Variants in CSMD1 observed in about 807,000 individuals in gnomAD.
The protein encoded by CSMD1 is CUB and sushi domain-containing protein 1.
CSMD1 carries 213 observed loss-of-function variants against 417.5 expected under a neutral mutation model. That is an observed-to-expected ratio of 0.51 (90% CI 0.46 to 0.57). The LOEUF is 0.57. Ranked by LOEUF, CSMD1 falls within the 20% of genes least tolerant of loss-of-function variation. CSMD1 has a pLI of 0.00. For missense variants in CSMD1, 6,923 were observed against 4,529.7 expected (o/e 1.53, Z -15.17); for synonymous variants, 2,862 against 1,736.8 (o/e 1.65, Z -16.11).
intron 51 of CSMD1, among the ~76,000 whole-genome samples, chr8:3,022,955 T>C (rs898940642): frequency 2.0e-5 from 3 of 152,162 alleles, no homozygotes; most frequent in African/African-American, 7.2e-5. Context: ...AAATCAGCTG[T>C]CTCTGGGGCA....
At chr8:4,668,445 T>TATTATC (rs1554439192) in intron 1 of CSMD1, among the ~76,000 whole-genome samples, 1 of 146,304 alleles carries the variant, frequency 6.8e-6, no homozygotes, top group African/African-American at 2.5e-5. Flanking sequence ...TTATTATTAT[T>TATTATC]ATTATTATTA....
At chr8:3,503,468 T>A (rs984379536) in intron 10 of CSMD1, among the ~76,000 whole-genome samples, 1 of 152,190 alleles carries the variant, frequency 6.6e-6, no homozygotes, top group Non-Finnish European at 1.5e-5. Context: ...AACACAGCAG[T>A]CTTGGGACGG....
chr8:4,045,006 C>G (rs1263056281), intron 3 of CSMD1, among the ~76,000 whole-genome samples: 1 of 152,210 alleles, frequency 6.6e-6, no homozygotes, highest in African/African-American at 2.4e-5. Flanking sequence ...TTTATAATTA[C>G]AATGTTATGC....
At chr8:3,974,500 T>C (rs1813293533) in intron 5 of CSMD1, among the ~76,000 whole-genome samples, 5 of 152,052 alleles carry the variant, frequency 3.3e-5, no homozygotes, top group Admixed American at 3.3e-4. Flanking sequence ...AAAGTATTTA[T>C]TTTTAAAAAT....
chr8:4,563,494 C>T (rs563345677), intron 2 of CSMD1, among the ~76,000 whole-genome samples: 140 of 152,280 alleles, frequency 9.2e-4, no homozygotes, highest in African/African-American at 3.2e-3. Flanking sequence ...GTTCAGTATT[C>T]CTGTGCCGGC....
At chr8:3,435,309 G>A (rs1404170966) in intron 12 of CSMD1, among the ~76,000 whole-genome samples, 1 of 152,178 alleles carries the variant, frequency 6.6e-6, no homozygotes, top group Non-Finnish European at 1.5e-5. Context: ...TGGGAAAGAT[G>A]AAGCATGGGG....
chr8:4,321,607 C>T (rs1176435315), intron 3 of CSMD1, among the ~76,000 whole-genome samples: 1 of 152,080 alleles, frequency 6.6e-6, no homozygotes, highest in African/African-American at 2.4e-5. Flanking sequence ...GCACCAAATA[C>T]CTTTTCCTCC....
chr8:4,831,401 G>T (rs1000067451), intron 1 of CSMD1, among the ~76,000 whole-genome samples: 1 of 152,130 alleles, frequency 6.6e-6, no homozygotes, highest in African/African-American at 2.4e-5. Context: ...CAAAACTGCC[G>T]TCATTTATTG....
intron 3 of CSMD1, among the ~76,000 whole-genome samples, chr8:4,359,507 C>A (rs1232142976): frequency 6.6e-6 from 1 of 152,172 alleles, no homozygotes; most frequent in Non-Finnish European, 1.5e-5. Flanking sequence ...TTATAGACTT[C>A]CCCAACCTTG....
intron 4 of CSMD1, among the ~76,000 whole-genome samples, chr8:4,000,791 T>C (rs1585109872): frequency 1.3e-5 from 2 of 152,054 alleles, no homozygotes; most frequent in Admixed American, 1.3e-4. Context: ...ATTCATTATA[T>C]ACTACAAAAG....
intron 1 of CSMD1, among the ~76,000 whole-genome samples, chr8:4,942,380 C>A (rs574796661): frequency 2.0e-5 from 3 of 152,238 alleles, no homozygotes; most frequent in Non-Finnish European, 4.4e-5. Context: ...TGTTTCTTTG[C>A]TGAGATTACT....
chr8:3,582,172 C>A (rs550191823), intron 9 of CSMD1, among the ~76,000 whole-genome samples: 2 of 152,146 alleles, frequency 1.3e-5, no homozygotes, highest in Non-Finnish European at 2.9e-5. Flanking sequence ...CCTGCTGTAC[C>A]GAACGTGTCA....
chr8:4,196,529 T>C (rs1231075753), intron 3 of CSMD1, among the ~76,000 whole-genome samples: 1 of 152,172 alleles, frequency 6.6e-6, no homozygotes, highest in Non-Finnish European at 1.5e-5. Flanking sequence ...CCCATTTCCT[T>C]GCTGGCTGTA....
chr8:4,668,867 T>A (rs1184844033), intron 1 of CSMD1, among the ~76,000 whole-genome samples: 1 of 152,176 alleles, frequency 6.6e-6, no homozygotes, highest in Non-Finnish European at 1.5e-5. Context: ...CTCTGTATTT[T>A]CTATTAAATT....
chr8:3,190,884 T>C (rs924067303), intron 33 of CSMD1, among the ~76,000 whole-genome samples: 3 of 152,206 alleles, frequency 2.0e-5, no homozygotes, highest in East Asian at 3.9e-4. Context: ...GAATACCTTA[T>C]GATTCTACTT....
At chr8:4,448,716 C>T (rs2129790394) in intron 2 of CSMD1, among the ~76,000 whole-genome samples, 1 of 152,282 alleles carries the variant, frequency 6.6e-6, no homozygotes, top group East Asian at 1.9e-4. Flanking sequence ...TTGCCCATTT[C>T]ATCTTAATTT....
chr8:3,472,922 T>C (rs1817187728), intron 11 of CSMD1, among the ~76,000 whole-genome samples: 1 of 152,240 alleles, frequency 6.6e-6, no homozygotes, highest in South Asian at 2.1e-4. Context: ...CTTTGATGTT[T>C]TTCACACCAC....
At chr8:4,457,618 G>A (rs969711089) in intron 2 of CSMD1, among the ~76,000 whole-genome samples, 6 of 151,976 alleles carry the variant, frequency 3.9e-5, no homozygotes, top group Admixed American at 6.6e-5. Flanking sequence ...TCATAATGGA[G>A]CCAATCATCA....
At chr8:3,815,494 A>C (rs976107802) in intron 5 of CSMD1, among the ~76,000 whole-genome samples, 2 of 152,148 alleles carry the variant, frequency 1.3e-5, no homozygotes, top group Admixed American at 6.5e-5. Flanking sequence ...TAAACTCAAA[A>C]ATATGTGTAA....
Sources: gnomAD v4.1 joint callset for allele counts (sites outside exome capture counted in the v4.1 genomes callset) on GRCh38, gnomAD v4.1.1 for gene constraint, MANE v1.5 for transcripts, NCBI Gene and HGNC (gene_info 2026-07-23, HGNC 2026-07-21) for gene names.